The following ATP8B3 variants were observed in gnomAD, a reference collection of about 807,000 sequenced individuals.
The protein encoded by ATP8B3 is ATPase phospholipid transporting 8B3.
A neutral mutation model predicts 140.9 loss-of-function variants in ATP8B3; 141 were observed. The ratio of observed to expected loss-of-function variants is 1.00; its 90% CI spans 0.87 to 1.15. ATP8B3 has a LOEUF of 1.15. ATP8B3 is among the 50% of genes most tolerant of loss of function. The probability of loss-of-function intolerance (pLI) is 0.00; values close to 1 mark genes in which losing one functional copy is unlikely to be tolerated. For synonymous variants in ATP8B3, 765 were observed against 714.6 expected (o/e 1.07, Z -1.13); for missense variants, 1,874 against 1,740.6 (o/e 1.08, Z -1.36).
At chr19:1,802,733 G>T in intron 10 of ATP8B3, 88 bp from the exon 11 acceptor site, 1 of 1,465,664 alleles carries the variant, frequency 6.8e-7, no homozygotes. Flanking sequence ...GAACATTCCG[G>T]CCACCCTCAC....
Position 1,782,932 on chromosome 19 carries a change from T to C in ATP8B3, c.*96A>G. On this transcript the variant is annotated 3_prime_UTR_variant, in exon 29 of 29. Transcript: ENST00000310127. The stretch of plus-strand genomic sequence containing the variant: ...CGGATTGTCTATCCATAGAAAATGA[T>C]GAGCTAGGTGTAGGGGGGAGCTGTA... 7.0e-7 allele frequency: 1 copy of C among 1,430,842 alleles called. No homozygotes were observed. The highest frequency in any genetic ancestry group is 2.2e-5 in the Admixed American group (1 of 44,912). 88.6% of individuals were successfully genotyped at this position (1,430,842 alleles called of 1,614,324 possible). A position where few individuals can be genotyped will look rare whatever the true frequency, so the allele number is the denominator to read the frequency against.
chr19:1,799,511 A>G, intron 14 of ATP8B3: 1 of 342,274 alleles, frequency 2.9e-6, no homozygotes, highest in Non-Finnish European at 5.2e-6. Flanking sequence ...CACGCCTGTA[A>G]TCCCAGCACT....
At position 1,806,334 on chromosome 19, in the gene ATP8B3, G is replaced by T. The variant is rs2069018696; in HGVS notation, c.678-165C>A. On this transcript the variant is annotated intron_variant, in intron 7 of 28. Coordinates refer to ENST00000310127, the MANE Select transcript of ATP8B3 (RefSeq NM_138813.4). This position sits in a 1 kb window ranked among gnomAD's most constrained non-coding sequence, Gnocchi z 5.6. The stretch of plus-strand genomic sequence containing the variant: ...CCGGGCTCCCACCCCACTCCCCGCG[G>T]GTCCACGCTCCCACCCAGTGACCTC... The T allele has an allele frequency of 6.8e-7, 1 of 1,468,846 alleles. No individual in the cohort carries two copies. The highest frequency in any genetic ancestry group is 9.0e-7 in the Non-Finnish European group (1 of 1,115,410). The allele number at this position is 1,468,846 out of a possible 1,614,324, so 91.0% of individuals were successfully genotyped here.
intron 2 of ATP8B3, 83 bp downstream of exon 2, chr19:1,811,406 C>G (rs144582259): frequency 0.018 from 26,642 of 1,500,542 alleles, 307 homozygotes; most frequent in South Asian, 0.034. Context: ...GCAACTGGCC[C>G]CCCACCTGCC....
intron 18 of ATP8B3, among the ~76,000 whole-genome samples, chr19:1,795,417 G>A (rs1191947341): frequency 2.0e-5 from 3 of 152,128 alleles, no homozygotes; most frequent in African/African-American, 7.2e-5. Context: ...TGGGTGCACT[G>A]GCGTGTGCCT....
intron 2 of ATP8B3, 90 bp from the exon 3 acceptor site, chr19:1,810,773 C>T (rs1600491346): frequency 5.6e-6 from 7 of 1,250,650 alleles, no homozygotes; most frequent in South Asian, 1.4e-5. Flanking sequence ...GCCTAGGGGC[C>T]GACCCTCTCA....
Position 1,800,563 on chromosome 19 carries a change from T to A in ATP8B3, c.1153-114A>T. The stretch of plus-strand genomic sequence containing the variant: ...GGCTGGGCACAGTGGCTCATGCCTG[T>A]AATCTCAGCACTTCAGGAGGCTAAG... On this transcript the variant is annotated intron_variant, in intron 12 of 28. Transcript: ENST00000310127. The surrounding 1 kb of genome is among the most constrained non-coding windows in gnomAD (Gnocchi z 4.4). 1.1e-6 allele frequency: 1 copy of A among 942,354 alleles called. No individual in the cohort carries two copies. Among genetic ancestry groups the A allele is most frequent in the Non-Finnish European group, 1.6e-6 (1 of 626,896 alleles). 58.4% of individuals were successfully genotyped at this position (942,354 alleles called of 1,614,324 possible). A position where few individuals can be genotyped will look rare whatever the true frequency, so the allele number is the denominator to read the frequency against.
At chr19:1,784,620 A>T (rs986331237) in intron 28 of ATP8B3, among the ~76,000 whole-genome samples, 199 bp downstream of exon 28, 2 of 152,154 alleles carry the variant, frequency 1.3e-5, no homozygotes, top group African/African-American at 4.8e-5. Flanking sequence ...CGGGGGAGTG[A>T]GGTCTCCCTT....
At chr19:1,790,908 G>T (rs1344614499) in intron 20 of ATP8B3, 76 bp from the exon 21 acceptor site, 5 of 1,163,856 alleles carry the variant, frequency 4.3e-6, no homozygotes, top group Admixed American at 2.4e-5. Context: ...CACTCTGCCC[G>T]GTGAATCCTG....
chr19:1,784,879 GT>G lies in ATP8B3; in HGVS notation c.3599del (p.Asn1200ThrfsTer81), dbSNP rs751940032. ...LLVVLLSVSI[N>X]TFPVLALRVI... is the part of the protein sequence containing the mutation. ...CTCGGAGGGCCAGGACAGGGAAGGTGTTTATGGACACACTCAGCAGGACCAC... is the reference window on the plus strand; with the variant it reads ...CTCGGAGGGCCAGGACAGGGAAGGTGTTATGGACACACTCAGCAGGACCAC... On this transcript the variant is annotated frameshift_variant, in exon 28 of 29. Coordinates refer to ENST00000310127, the MANE Select transcript of ATP8B3 (RefSeq NM_138813.4). LOFTEE classifies it high-confidence loss of function. 3.7e-6 allele frequency: 6 copies of G among 1,613,130 alleles called. No homozygotes were observed. Among genetic ancestry groups the G allele is most frequent in the Non-Finnish European group, 5.1e-6 (6 of 1,179,624 alleles).
At chr19:1,796,582 C>CA in intron 16 of ATP8B3, 129 bp downstream of exon 16, 1 of 1,248,176 alleles carries the variant, frequency 8.0e-7, no homozygotes, top group Non-Finnish European at 1.1e-6. Flanking sequence ...GCTGGTGTCA[C>CA]ACCGGCCTCA....
chr19:1,790,989 C>A (rs1270718644), intron 20 of ATP8B3, among the ~76,000 whole-genome samples, 157 bp from the exon 21 acceptor site: 1 of 152,114 alleles, frequency 6.6e-6, no homozygotes, highest in East Asian at 1.9e-4. Context: ...GCTTGTAACC[C>A]AGGCTCACCA....
rs1449233838 is a variant in ATP8B3 at position 1,794,044 on chromosome 19, A to T, written c.2055+1831T>A. On this transcript the variant is annotated intron_variant, in intron 18 of 28. Transcript: ENST00000310127. This position sits in a 1 kb window ranked among gnomAD's most constrained non-coding sequence, Gnocchi z 4.8. ...AGCCATCGCGCCAGCCTGTTTATTA[A>T]GAGACAGGGGTCTCGCCCTGTCGCC... is the stretch of plus-strand genomic sequence containing the variant. Among the ~76,000 whole-genome samples, 1 of 145,288 alleles carries T rather than the reference A, an allele frequency of 6.9e-6. No homozygotes were observed. The highest frequency in any genetic ancestry group is 2.6e-5 in the African/African-American group (1 of 38,572).
chr19:1,783,142 G>A lies in ATP8B3; in HGVS notation c.3789C>T (p.Leu1263=), dbSNP rs187242254. ...TCCGCAGAATTGTGCCCTGAGTGAT[G>A]AGGTTTGCATATCCCTCACGGTGGG... ...AFSHREGYAN[L]ITQGTILRRG... The change falls in exon 29 of 29, where the codon CTC becomes CTT. Residue 1263 remains leucine, a synonymous_variant. Transcript: ENST00000310127. 64 of 1,613,644 alleles carry A rather than the reference G, an allele frequency of 4.0e-5. No individual in the cohort carries two copies. The highest frequency in any genetic ancestry group is 1.2e-4 in the Admixed American group (7 of 59,970).
chr19:1,809,720 C>A lies in ATP8B3; in HGVS notation c.325G>T (p.Val109Phe). ...EDRNSAFTWK[V>F]QANNRAYNGQ... The stretch of plus-strand genomic sequence containing the variant: ...TTGTAGGCACGGTTGTTGGCCTGGA[C>A]CTTCCAGGTGAATGCTGCAGCGAGA... The change falls in exon 4 of 29, where the codon GTC (valine) becomes TTC (phenylalanine). Residue 109 changes from valine (V) to phenylalanine (F), a missense_variant. By Grantham distance (50) the Val-to-Phe change is conservative. Coordinates refer to ENST00000310127, the MANE Select transcript of ATP8B3 (RefSeq NM_138813.4). 1 of 1,609,328 alleles carries A rather than the reference C, an allele frequency of 6.2e-7. No homozygotes were observed. Among genetic ancestry groups the A allele is most frequent in the Non-Finnish European group, 8.5e-7 (1 of 1,178,200 alleles).
chr19:1,806,772 G>A lies in ATP8B3; in HGVS notation c.616-83C>T. The A allele has an allele frequency of 7.0e-7, 1 of 1,432,526 alleles. No homozygotes were observed. The highest frequency in any genetic ancestry group is 1.2e-5 in the South Asian group (1 of 81,314). 88.7% of individuals were successfully genotyped at this position (1,432,526 alleles called of 1,614,324 possible). The stretch of plus-strand genomic sequence containing the variant: ...GCCGCTGCCGCACTGCAGCCCAGCA[G>A]TGCCCGCCCGCAACACGGGGTCCCT... On this transcript the variant is annotated intron_variant, in intron 6 of 28. Coordinates refer to ENST00000310127, the MANE Select transcript of ATP8B3 (RefSeq NM_138813.4). The surrounding 1 kb of genome is among the most constrained non-coding windows in gnomAD (Gnocchi z 5.6).
At position 1,783,155 on chromosome 19, in the gene ATP8B3, C is replaced by T; in HGVS notation, c.3776G>A (p.Gly1259Glu). ...RSSYAFSHRE[G>E]YANLITQGTI... The stretch of plus-strand genomic sequence containing the variant: ...GCCCTGAGTGATGAGGTTTGCATAT[C>T]CCTCACGGTGGGAGAAAGCATAGCT... The change falls in exon 29 of 29, where the codon GGA becomes GAA. Residue 1259 changes from glycine (G) to glutamate (E), a missense_variant. By Grantham distance (98) the Gly-to-Glu change is moderately conservative. Coordinates refer to ENST00000310127, the MANE Select transcript of ATP8B3 (RefSeq NM_138813.4). 6.2e-7 allele frequency: 1 copy of T among 1,613,686 alleles called. No individual in the cohort carries two copies. Among genetic ancestry groups the T allele is most frequent in the Non-Finnish European group, 8.5e-7 (1 of 1,179,820 alleles).
At chr19:1,789,172 GC>G (rs1283129756) in intron 23 of ATP8B3, 52 bp from the exon 24 acceptor site, 47 of 1,204,898 alleles carry the variant, frequency 3.9e-5, no homozygotes, top group Admixed American at 5.6e-5. Context: ...AGTCCCGCCC[GC>G]CCCCCCAGAC....
At position 1,806,766 on chromosome 19, in the gene ATP8B3, C is replaced by G. The variant is rs1322786121; in HGVS notation, c.616-77G>C. 1.3e-5 allele frequency: 19 copies of G among 1,444,750 alleles called. No individual in the cohort carries two copies. The highest frequency in any genetic ancestry group is 2.8e-5 in the African/African-American group (2 of 70,968). 89.5% of individuals were successfully genotyped at this position (1,444,750 alleles called of 1,614,324 possible). On this transcript the variant is annotated intron_variant, in intron 6 of 28. Transcript: ENST00000310127. The surrounding 1 kb of genome is among the most constrained non-coding windows in gnomAD (Gnocchi z 5.6). ...GCCCAGGCCGCTGCCGCACTGCAGC[C>G]CAGCAGTGCCCGCCCGCAACACGGG...
Sources: allele counts gnomAD v4.1 joint callset (sites outside exome capture counted in the v4.1 genomes callset), GRCh38; gene constraint gnomAD v4.1.1; non-coding constraint Gnocchi (gnomAD v3.1); transcripts MANE v1.5; gene names NCBI Gene and HGNC (gene_info 2026-07-23, HGNC 2026-07-21).